The following RDH13 variants were observed in gnomAD, a reference collection of about 807,000 sequenced individuals.
RDH13 encodes retinol dehydrogenase 13 (all-trans and 9-cis).
RDH13 carries 35 observed loss-of-function variants against 28.3 expected under a neutral mutation model. The ratio of observed to expected loss-of-function variants is 1.24; its 90% confidence interval spans 0.95 to 1.64. The LOEUF is 1.64. RDH13 is among the 40% of genes most tolerant of loss of function. The pLI, the probability that RDH13 is intolerant of heterozygous loss-of-function variation, is 0.00. For missense variants in RDH13, 514 were observed against 446.3 expected, an observed-to-expected ratio of 1.15 and a Z score of -1.37; for synonymous variants, 229 against 198.5, an observed-to-expected ratio of 1.15 and a Z score of -1.29.
At chr19:55,056,016 C>T (rs190194694) in intron 3 of RDH13, among the ~76,000 whole-genome samples, 50 of 151,058 alleles carry the variant, frequency 3.3e-4, no homozygotes, top group Admixed American at 2.2e-3. Context: ...TAGCCAGGCA[C>T]GGTGGCGGGT....
At chr19:55,065,573 G>C (rs1449143688), upstream of RDH13, among the ~76,000 whole-genome samples, 1 of 151,618 alleles carries the variant, frequency 6.6e-6, no homozygotes, top group East Asian at 2.0e-4. Flanking sequence ...CAGCCAGATA[G>C]TAAATAATTT....
chr19:55,066,725 G>GTCTC (rs1304763804), upstream of RDH13, among the ~76,000 whole-genome samples: 1 of 145,172 alleles, frequency 6.9e-6, no homozygotes, highest in Non-Finnish European at 1.5e-5. Context: ...TCTTGTGTGT[G>GTCTC]TCTCTCTCTC....
chr19:55,065,203 G>A (rs180954714), upstream of RDH13, among the ~76,000 whole-genome samples: 63 of 151,094 alleles, frequency 4.2e-4, no homozygotes, highest in East Asian at 1.8e-3. Context: ...TGGACAACAC[G>A]GCAAAACCTT....
chr19:55,060,695 G>A (rs1016324949), intron 1 of RDH13, among the ~76,000 whole-genome samples: 3 of 152,278 alleles, frequency 2.0e-5, no homozygotes, highest in South Asian at 2.1e-4. Flanking sequence ...CTTCACAGGC[G>A]TGGTGGTGCA....
rs375731557 is a variant in RDH13, at chr19:55,047,454, G to A, written c.693C>T (p.Gly231=). ...SGVTVNALHP[G]VARTELGRHT... ...GTCTGCCCAGCTCTGTCCTGGCCAC[G>A]CCGGGGTGCAGGGCGTTGACAGTCA... Residue 231 remains glycine, a synonymous_variant, in exon 6 of 7, where the codon GGC becomes GGT. Coordinates refer to ENST00000415061, the MANE Select transcript of RDH13 (RefSeq NM_001145971.2). 9.4e-5 allele frequency: 151 copies of A among 1,610,150 alleles called. No individual in the cohort carries two copies. The highest frequency in any genetic ancestry group is 3.3e-4 in the Admixed American group (20 of 59,972).
At chr19:55,064,864 C>T (rs192608027), upstream of RDH13, among the ~76,000 whole-genome samples, 601 of 149,334 alleles carry the variant, frequency 4.0e-3, 39 homozygotes, top group East Asian at 0.052. Flanking sequence ...CCACCTGCCT[C>T]GGCCACCCAA....
At chr19:55,039,249 C>T (rs942923857) in exon 3 of RDH13, 1 of 152,216 alleles carries the variant, frequency 6.6e-6, no homozygotes, top group African/African-American at 2.4e-5. Flanking sequence ...GAATAAAAAT[C>T]AGCCAGGCAC....
Position 55,044,906 on chromosome 19 carries a change from T to C in RDH13, c.*168A>G. On this transcript the variant is annotated 3_prime_UTR_variant, in exon 7 of 7. Coordinates refer to ENST00000415061, the MANE Select transcript of RDH13 (RefSeq NM_001145971.2). ...GCCAGAGCCCAGGGCAGTGCTCACC[T>C]GCAGGCCAGTCCACTGCGGCCAGCA... The C allele has an allele frequency of 1.7e-6, 1 of 592,400 alleles. No individual in the cohort carries two copies. The highest frequency in any genetic ancestry group is 3.1e-5 in the Admixed American group (1 of 32,642). The allele number at this position is 592,400 out of a possible 1,614,324, so 36.7% of individuals were successfully genotyped here.
rs373789133 is a variant in RDH13 at position 55,055,426 on chromosome 19, TA to T, written c.340+1226del. 4.0e-3 allele frequency among the ~76,000 whole-genome samples: 606 copies of T among 152,062 alleles called. 7 individuals are homozygous for T. The highest frequency in any genetic ancestry group is 0.014 in the African/African-American group (568 of 41,544). ...CCTCAGCCTCCCAAAGTGCTGGGAT[TA>T]ACAGGCGTGAGCCACTGTGCCCAGC... On this transcript the variant is annotated intron_variant, in intron 3 of 6. Transcript: ENST00000415061.
At chr19:55,067,322 C>A (rs2075979331), upstream of RDH13, 1 of 152,162 alleles carries the variant, frequency 6.6e-6, no homozygotes, top group Non-Finnish European at 1.5e-5. Context: ...GGCAGAAGGT[C>A]CCCGTGTCGG....
chr19:55,056,594 G>C, intron 3 of RDH13, 59 bp downstream of exon 3: 1 of 1,584,254 alleles, frequency 6.3e-7, no homozygotes. Flanking sequence ...ACTTCTCAGA[G>C]CCTGGCCCTG....
At chr19:55,043,980 G>C (rs1471130923), downstream of RDH13, 1 of 150,702 alleles carries the variant, frequency 6.6e-6, no homozygotes, top group Non-Finnish European at 1.5e-5. Context: ...GCAGTGGCAT[G>C]ATCTCGGCTC....
chr19:55,066,279 G>C (rs914910108), upstream of RDH13, among the ~76,000 whole-genome samples: 2 of 152,126 alleles, frequency 1.3e-5, no homozygotes, highest in African/African-American at 2.4e-5. Context: ...ACTGGGTGCT[G>C]TCCCAGGTGC....
rs781156210 is a variant in RDH13, at chr19:55,045,092, C to G, written c.978G>C (p.Glu326Asp). The change falls in exon 7 of 7, where the codon GAG becomes GAC. Residue 326 changes from glutamate (E) to aspartate (D), a missense_variant. Coordinates refer to ENST00000415061, the MANE Select transcript of RDH13 (RefSeq NM_001145971.2). Reference protein sequence around the residue: ...LVGLEAPSVREQPLPR With the variant: ...LVGLEAPSVRDQPLPR ...CCAGAGGTTATCTGGGGAGGGGCTG[C>G]TCCCTCACAGAGGGAGCCTCTAAGC... 9 of 1,606,476 alleles carry G rather than the reference C, an allele frequency of 5.6e-6. No homozygotes were observed. Among genetic ancestry groups the G allele is most frequent in the Non-Finnish European group, 6.8e-6 (8 of 1,176,760 alleles).
chr19:55,064,638 C>G (rs1030737298), upstream of RDH13, among the ~76,000 whole-genome samples: 1 of 151,122 alleles, frequency 6.6e-6, no homozygotes, highest in Admixed American at 6.6e-5. Context: ...TTTTGAGAGA[C>G]AGTCTCACTG....
intron 2 of RDH13, among the ~76,000 whole-genome samples, chr19:55,057,088 C>T (rs1317175747): frequency 3.3e-5 from 5 of 152,074 alleles, no homozygotes; most frequent in Non-Finnish European, 7.4e-5. Flanking sequence ...ACACTGTGCT[C>T]GGGGAAAGAA....
rs372467009 is a variant in RDH13, at chr19:55,048,730, G to A, written c.374C>T (p.Ala125Val). 3.8e-5 allele frequency: 62 copies of A among 1,614,020 alleles called. No homozygotes were observed. The highest frequency in any genetic ancestry group is 8.8e-5 in the South Asian group (8 of 91,068). ...CCAGTGGGGGCACCGCATCACACCC[G>A]CGTTGTTGATTAGAATGTCCACTCG... ...EERVDILINN[A>V]GVMRCPHWTT... is the part of the protein sequence containing the mutation. The change falls in exon 4 of 7, where the codon GCG becomes GTG. Residue 125 changes from alanine to valine, a missense_variant. Transcript: ENST00000415061.
At chr19:55,047,680 G>A (rs1006658845) in intron 5 of RDH13, among the ~76,000 whole-genome samples, 192 bp from the exon 6 acceptor site, 1 of 152,176 alleles carries the variant, frequency 6.6e-6, no homozygotes, top group East Asian at 1.9e-4. Context: ...ATGGCTGCTG[G>A]GAGCCGAGCT....
intron 1 of RDH13, among the ~76,000 whole-genome samples, chr19:55,060,369 G>A (rs942885215): frequency 2.6e-5 from 4 of 152,062 alleles, no homozygotes; most frequent in African/African-American, 9.7e-5. Context: ...ACATCAATCT[G>A]GCCTACGTGC....
Sources: allele counts gnomAD v4.1 joint callset (sites outside exome capture counted in the v4.1 genomes callset), GRCh38; gene constraint gnomAD v4.1.1; transcripts MANE v1.5; gene names NCBI Gene and HGNC (gene_info 2026-07-23, HGNC 2026-07-21).